Variants in SH3GL2 observed in about 807,000 individuals in gnomAD.
SH3GL2 encodes SH3 domain containing GRB2 like 2, endophilin A1, also known as endophilin-A1.
SH3GL2 carries 24 observed loss-of-function variants against 46.0 expected under a neutral mutation model. The observed-to-expected ratio is 0.52, with a 90% CI of 0.38 to 0.73. The LOEUF is 0.73. Ranked by LOEUF, SH3GL2 falls within the 30% of genes least tolerant of loss-of-function variation. The pLI is 0.00. For missense variants in SH3GL2, 413 were observed against 424.2 expected (o/e 0.97, Z 0.23); for synonymous variants, 196 against 147.1 (o/e 1.33, Z -2.40).
chr9:17,789,669 G>C (rs1199230289), intron 6 of SH3GL2, 119 bp downstream of exon 6: 1 of 1,463,496 alleles, frequency 6.8e-7, no homozygotes, highest in African/African-American at 1.4e-5. Flanking sequence ...AAGAACTTCA[G>C]TAGATAGTTA....
At chr9:17,603,235 C>T (rs10963158) in intron 1 of SH3GL2, among the ~76,000 whole-genome samples, 1 of 151,968 alleles carries the variant, frequency 6.6e-6, no homozygotes, top group East Asian at 1.9e-4. Context: ...GCCAATGTTC[C>T]TTGCAGCATT....
intron 1 of SH3GL2, among the ~76,000 whole-genome samples, chr9:17,671,466 G>T (rs10756895): frequency 0.54 from 81,363 of 151,948 alleles, 22,954 homozygotes; most frequent in African/African-American, 0.7. Flanking sequence ...ATTGTACATT[G>T]AAAAATAACT....
intron 1 of SH3GL2, among the ~76,000 whole-genome samples, chr9:17,671,808 T>TA (rs1166696759): frequency 6.6e-6 from 1 of 152,208 alleles, no homozygotes; most frequent in East Asian, 1.9e-4. Context: ...TTATAACTGA[T>TA]AATGACATCT....
chr9:17,594,493 G>C (rs1328377541), intron 1 of SH3GL2, among the ~76,000 whole-genome samples: 1 of 151,910 alleles, frequency 6.6e-6, no homozygotes, highest in Non-Finnish European at 1.5e-5. Flanking sequence ...TCTATGGGGC[G>C]GGGGTGGGAG....
intron 1 of SH3GL2, among the ~76,000 whole-genome samples, chr9:17,712,548 T>C (rs190668058): frequency 8.6e-5 from 13 of 151,974 alleles, no homozygotes; most frequent in African/African-American, 2.4e-4. Context: ...TTCTCTAGCA[T>C]CATTTGTTGA....
At chr9:17,581,361 A>G (rs918371718) in intron 1 of SH3GL2, among the ~76,000 whole-genome samples, 42 of 152,354 alleles carry the variant, frequency 2.8e-4, no homozygotes, top group African/African-American at 9.6e-4. Flanking sequence ...ATGCAGAATC[A>G]CTGCGTCATT....
chr9:17,778,632 C>A (rs1298014672), intron 3 of SH3GL2, among the ~76,000 whole-genome samples: 3 of 152,028 alleles, frequency 2.0e-5, no homozygotes, highest in South Asian at 4.2e-4. Flanking sequence ...TGTCCTTACT[C>A]TTCTATTGAG....
intron 1 of SH3GL2, among the ~76,000 whole-genome samples, chr9:17,697,039 C>A (rs73645142): frequency 0.05 from 7,576 of 151,996 alleles, 615 homozygotes; most frequent in African/African-American, 0.17. Context: ...TGATACTGTC[C>A]TGGGCTGACA....
intron 1 of SH3GL2, among the ~76,000 whole-genome samples, chr9:17,595,713 A>C (rs1818557425): frequency 6.6e-6 from 1 of 152,186 alleles, no homozygotes; most frequent in Non-Finnish European, 1.5e-5. Flanking sequence ...TCTATAGGGC[A>C]ATATTTATTG....
At chr9:17,789,190 A>T (rs1473949422) in intron 5 of SH3GL2, among the ~76,000 whole-genome samples, 3 of 152,198 alleles carry the variant, frequency 2.0e-5, no homozygotes, top group African/African-American at 7.2e-5. Flanking sequence ...ATTCTTAATT[A>T]TTTTTAAAGA....
chr9:17,706,285 A>G (rs370813780), intron 1 of SH3GL2, among the ~76,000 whole-genome samples: 2 of 152,008 alleles, frequency 1.3e-5, no homozygotes, highest in African/African-American at 4.8e-5. Flanking sequence ...CTTTAAGTCA[A>G]TTATCTTCCT....
intron 3 of SH3GL2, among the ~76,000 whole-genome samples, chr9:17,784,491 A>G (rs1228579824): frequency 6.6e-6 from 1 of 151,908 alleles, no homozygotes; most frequent in East Asian, 1.9e-4. Flanking sequence ...GGTGTTGTTT[A>G]TTTTATTTGC....
chr9:17,717,616 C>T (rs910028326), intron 1 of SH3GL2, among the ~76,000 whole-genome samples: 1 of 152,060 alleles, frequency 6.6e-6, no homozygotes, highest in African/African-American at 2.4e-5. Context: ...AGAATATGCC[C>T]TCTCTGCCTT....
chr9:17,614,647 G>A (rs992605253), intron 1 of SH3GL2, among the ~76,000 whole-genome samples: 1 of 152,144 alleles, frequency 6.6e-6, no homozygotes, highest in African/African-American at 2.4e-5. Flanking sequence ...AACCTTGTGA[G>A]CTGTATATTA....
intron 1 of SH3GL2, among the ~76,000 whole-genome samples, chr9:17,685,452 A>G (rs562424088): frequency 5.3e-5 from 8 of 152,254 alleles, no homozygotes; most frequent in Non-Finnish European, 8.8e-5. Flanking sequence ...CAGTACCTAG[A>G]TTAATGCTTA....
chr9:17,615,441 G>A (rs1334977606), intron 1 of SH3GL2, among the ~76,000 whole-genome samples: 1 of 152,014 alleles, frequency 6.6e-6, no homozygotes, highest in Non-Finnish European at 1.5e-5. Context: ...CGGATCACGA[G>A]GCCGGGAGAT....
chr9:17,780,432 T>A (rs1039730277), intron 3 of SH3GL2, among the ~76,000 whole-genome samples: 3 of 152,102 alleles, frequency 2.0e-5, no homozygotes, highest in Non-Finnish European at 2.9e-5. Context: ...GATGAGCATT[T>A]AGGTGTTTGC....
At chr9:17,704,790 G>A (rs10429597) in intron 1 of SH3GL2, among the ~76,000 whole-genome samples, 23,381 of 151,940 alleles carry the variant, frequency 0.15, 2,796 homozygotes, top group African/African-American at 0.32. Flanking sequence ...AACACCAGAT[G>A]GATTAAAGAC....
At chr9:17,673,836 C>T (rs1820536132) in intron 1 of SH3GL2, among the ~76,000 whole-genome samples, 1 of 152,078 alleles carries the variant, frequency 6.6e-6, no homozygotes, top group South Asian at 2.1e-4. Flanking sequence ...TTCTAGGGTG[C>T]CTCCCTTGAT....
Sources: allele counts gnomAD v4.1 joint callset (sites outside exome capture counted in the v4.1 genomes callset), GRCh38; gene constraint gnomAD v4.1.1; transcripts MANE v1.5; gene names NCBI Gene and HGNC (gene_info 2026-07-23, HGNC 2026-07-21).